Variants in TBCD observed in about 807,000 individuals in gnomAD.
TBCD encodes the protein tubulin-specific chaperone D.
TBCD carries 105 observed loss-of-function variants against 169.3 expected under a neutral mutation model. The ratio of observed to expected loss-of-function variants is 0.62; its 90% CI spans 0.53 to 0.73. TBCD has a LOEUF of 0.73. Ranked by LOEUF, TBCD falls within the 30% of genes least tolerant of loss-of-function variation. TBCD has a pLI of 0.00. For missense variants in TBCD, 1,444 were observed against 1,600.1 expected (o/e 0.90, Z 1.66); for synonymous variants, 700 against 643.9 (o/e 1.09, Z -1.32).
chr17:82,884,438 TG>T lies in TBCD; in HGVS notation c.1533+241del, dbSNP rs1359829100. On this transcript the variant is annotated intron_variant, in intron 15 of 38. Coordinates refer to ENST00000355528, the MANE Select transcript of TBCD (RefSeq NM_005993.5). The surrounding 1 kb of genome is among the most constrained non-coding windows in gnomAD (Gnocchi z 4.2). ...TCCCCAGAGCTGCAGCCATCACTGCTGGGGGTTGATGGGTGATGGAGGCGAG... is the reference window on the plus strand; with the variant it reads ...TCCCCAGAGCTGCAGCCATCACTGCTGGGGTTGATGGGTGATGGAGGCGAG... 6.6e-6 allele frequency among the ~76,000 whole-genome samples: 1 copy of T among 152,160 alleles called. No individual in the cohort carries two copies. Among genetic ancestry groups the T allele is most frequent in the Non-Finnish European group, 1.5e-5 (1 of 68,024 alleles).
At chr17:82,933,278 T>C (rs887356848) in intron 34 of TBCD, among the ~76,000 whole-genome samples, 1 of 148,582 alleles carries the variant, frequency 6.7e-6, no homozygotes, top group African/African-American at 2.5e-5. Flanking sequence ...CCAGTCTTTT[T>C]TTTTTTTTTT....
chr17:82,753,803 A>G (rs926584433), intron 1 of TBCD, among the ~76,000 whole-genome samples: 6 of 150,870 alleles, frequency 4.0e-5, no homozygotes, highest in Non-Finnish European at 1.5e-5. Flanking sequence ...TTGTCAGGGC[A>G]GGGGAGTTGC....
At chr17:82,799,107 A>G (rs1397588778) in intron 8 of TBCD, among the ~76,000 whole-genome samples, 1 of 152,174 alleles carries the variant, frequency 6.6e-6, no homozygotes, top group Non-Finnish European at 1.5e-5. Context: ...GCAGAGGTTT[A>G]CCATCTGGAA....
intron 14 of TBCD, among the ~76,000 whole-genome samples, chr17:82,883,054 C>T (rs962014934): frequency 5.3e-4 from 1 of 1,888 alleles, no homozygotes; most frequent in African/African-American, 5.7e-4. Context: ...GTATCTTTCA[C>T]ATTTAGCTTA....
intron 18 of TBCD, among the ~76,000 whole-genome samples, chr17:82,901,518 C>T (rs574250263): frequency 6.7e-6 from 1 of 149,870 alleles, no homozygotes; most frequent in Non-Finnish European, 1.5e-5. Flanking sequence ...GCCCGGCTGC[C>T]TACTGTGGTC....
At chr17:82,821,112 GA>G (rs11398809) in intron 13 of TBCD, among the ~76,000 whole-genome samples, 1 of 151,412 alleles carries the variant, frequency 6.6e-6, no homozygotes, top group East Asian at 1.9e-4. Flanking sequence ...TGCTGCACTG[GA>G]AAAAAAAATT....
In TBCD at chr17:82,926,434, C is replaced by A; in HGVS notation, c.2414C>A (p.Ser805Tyr). The change falls in exon 28 of 39, where the codon TCC becomes TAC. Residue 805 changes from serine (S) to tyrosine (Y), a missense_variant. Coordinates refer to ENST00000355528, the MANE Select transcript of TBCD (RefSeq NM_005993.5). The part of the protein sequence containing the change: ...LTGLRAVTHT[S>Y]PEDVSFAESR... The stretch of plus-strand genomic sequence containing the variant: ...GGTTTAAGAGCAGTTACCCACACTT[C>A]CCCCGAGGACGTAAGTTTTGCTGAG... The A allele has an allele frequency of 6.2e-7, 1 of 1,614,014 alleles. No individual in the cohort carries two copies. The highest frequency in any genetic ancestry group is 8.5e-7 in the Non-Finnish European group (1 of 1,179,882).
chr17:82,889,951 T>C lies in TBCD; in HGVS notation c.1563+254T>C, dbSNP rs1232466037. 2.0e-5 allele frequency among the ~76,000 whole-genome samples: 3 copies of C among 152,202 alleles called. No individual in the cohort carries two copies. On this transcript the variant is annotated intron_variant, in intron 16 of 38. Coordinates refer to ENST00000355528, the MANE Select transcript of TBCD (RefSeq NM_005993.5). This position sits in a 1 kb window ranked among gnomAD's most constrained non-coding sequence, Gnocchi z 5.3. The stretch of plus-strand genomic sequence containing the variant: ...TTACACGTTGCCAAGAGCCACATAA[T>C]GTGGCTCTGCAGGGTGGGGCGGGTC...
intron 13 of TBCD, among the ~76,000 whole-genome samples, chr17:82,848,495 G>A (rs549297889): frequency 1.7e-4 from 26 of 152,266 alleles, no homozygotes; most frequent in South Asian, 8.3e-4. Flanking sequence ...GGTGTCTTAC[G>A]CTTCGGCATT....
At position 82,945,620 on chromosome 17, in the gene TBCD, G is replaced by A. The variant is rs536790277; in HGVS notation, c.*3157G>A. On this transcript the variant is annotated 3_prime_UTR_variant, in exon 39 of 39. Coordinates refer to ENST00000355528, the MANE Select transcript of TBCD (RefSeq NM_005993.5). ...AGATAAAAATATGCCATTCTTATCT[G>A]TTTGGTTTTTTAATCTTGGCTTAAT... 3.3e-5 allele frequency: 5 copies of A among 152,260 alleles called. No individual in the cohort carries two copies. In the East Asian group the frequency reaches 9.6e-4, roughly 29 times the overall value. 9.4% of individuals were successfully genotyped at this position (152,260 alleles called of 1,614,324 possible). A position where few individuals can be genotyped will look rare whatever the true frequency, so the allele number is the denominator to read the frequency against.
At chr17:82,914,963 CA>C (rs1568030481) in intron 23 of TBCD, among the ~76,000 whole-genome samples, 1 of 152,220 alleles carries the variant, frequency 6.6e-6, no homozygotes, top group Non-Finnish European at 1.5e-5. Flanking sequence ...TTTCCAAAGG[CA>C]ACCCTTTCAG....
chr17:82,827,751 G>A (rs191349673), intron 13 of TBCD, among the ~76,000 whole-genome samples: 3 of 140,860 alleles, frequency 2.1e-5, no homozygotes, highest in East Asian at 2.1e-4. Flanking sequence ...GTGCACACCC[G>A]TACAATCGAA....
chr17:82,945,640 C>T lies in TBCD; in HGVS notation c.*3177C>T, dbSNP rs916493341. The T allele has an allele frequency of 6.6e-6, 1 of 152,086 alleles. No individual in the cohort carries two copies. The highest frequency in any genetic ancestry group is 1.5e-5 in the Non-Finnish European group (1 of 68,008). The allele number at this position is 152,086 out of a possible 1,614,324, so 9.4% of individuals were successfully genotyped here. A position where few individuals can be genotyped will look rare whatever the true frequency, so the allele number is the denominator to read the frequency against. ...TATCTGTTTGGTTTTTTAATCTTGG[C>T]TTAATATTTGGGGTTGAGTCATTTG... On this transcript the variant is annotated 3_prime_UTR_variant, in exon 39 of 39. Transcript: ENST00000355528.
Position 82,782,237 on chromosome 17 carries a change from T to G in TBCD, c.771+516T>G, listed in dbSNP as rs1469281581. 7.4e-6 allele frequency among the ~76,000 whole-genome samples: 1 copy of G among 134,356 alleles called. No individual in the cohort carries two copies. The highest frequency in any genetic ancestry group is 1.7e-5 in the Non-Finnish European group (1 of 58,528). 88.1% of individuals were successfully genotyped at this position (134,356 alleles called of 152,430 possible). A position where few individuals can be genotyped will look rare whatever the true frequency, so the allele number is the denominator to read the frequency against. On this transcript the variant is annotated intron_variant, in intron 7 of 38. Transcript: ENST00000355528. The surrounding 1 kb of genome is among the most constrained non-coding windows in gnomAD (Gnocchi z 5.1). ...CCTGCCCTTTCGCTCTGATTGTCTCTTGTGTTACCTTTTCTTGTGCTAACG... is the reference window on the plus strand; with the variant it reads ...CCTGCCCTTTCGCTCTGATTGTCTCGTGTGTTACCTTTTCTTGTGCTAACG...
chr17:82,842,438 C>G (rs1176435699), intron 13 of TBCD, among the ~76,000 whole-genome samples: 2 of 152,188 alleles, frequency 1.3e-5, no homozygotes, highest in Non-Finnish European at 2.9e-5. Flanking sequence ...GGTGGCTTCC[C>G]TTCATGGAAG....
intron 20 of TBCD, among the ~76,000 whole-genome samples, chr17:82,906,351 G>A (rs1292119666): frequency 2.0e-5 from 3 of 152,200 alleles, no homozygotes; most frequent in African/African-American, 7.2e-5. Context: ...GCACCTCCTG[G>A]TCTCAGAGGT....
intron 17 of TBCD, among the ~76,000 whole-genome samples, chr17:82,896,453 G>GTTTTT (rs1014108505): frequency 1.1e-4 from 10 of 91,420 alleles, no homozygotes; most frequent in African/African-American, 4.0e-4. Flanking sequence ...TGTGCTGTCA[G>GTTTTT]TTTTTTTTTT....
At chr17:82,902,626 G>T (rs570155627) in intron 18 of TBCD, among the ~76,000 whole-genome samples, 1 of 152,384 alleles carries the variant, frequency 6.6e-6, no homozygotes, top group African/African-American at 2.4e-5. Flanking sequence ...AGGTGGTCCT[G>T]CCAGCGCGGG....
intron 13 of TBCD, among the ~76,000 whole-genome samples, chr17:82,866,286 A>G (rs1448262974): frequency 6.6e-6 from 1 of 151,822 alleles, no homozygotes; most frequent in Non-Finnish European, 1.5e-5. Flanking sequence ...AGCAGTCCTC[A>G]CTCCATTTTT....
Sources: allele counts gnomAD v4.1 joint callset (sites outside exome capture counted in the v4.1 genomes callset), GRCh38; gene constraint gnomAD v4.1.1; non-coding constraint Gnocchi (gnomAD v3.1); transcripts MANE v1.5; gene names NCBI Gene and HGNC (gene_info 2026-07-23, HGNC 2026-07-21).